NXPE3: variants seen among roughly 807,000 people sequenced by gnomAD.
NXPE3 encodes NXPE family member 3.
NXPE3 carries 26 observed loss-of-function variants against 46.1 expected under a neutral mutation model. That is an observed-to-expected ratio of 0.56 (90% CI 0.41 to 0.78). The LOEUF (loss-of-function observed/expected upper bound fraction) is 0.78, where lower values mean the gene tolerates loss of function less well. Ranked by LOEUF, NXPE3 falls within the 30% of genes least tolerant of loss-of-function variation. The pLI is 0.00. For missense variants in NXPE3, 620 were observed against 686.0 expected (o/e 0.90, Z 1.07); for synonymous variants, 272 against 257.9 (o/e 1.05, Z -0.52).
chr3:101,821,923 T>G lies in NXPE3; in HGVS notation c.1649T>G (p.Phe550Cys). The part of the protein sequence containing the change: ...EVIVKNQLDM[F>C]LSFVCPLET ...ATTGTGAAGAACCAGCTGGACATGTTCTTGTCCTTTGTGTGCCCCTTGGAA... is the reference window on the plus strand; with the variant it reads ...ATTGTGAAGAACCAGCTGGACATGTGCTTGTCCTTTGTGTGCCCCTTGGAA... The change falls in exon 8 of 8, where the codon TTC becomes TGC. Residue 550 changes from phenylalanine to cysteine, a missense_variant. Physicochemically the swap from Phe to Cys is radical, Grantham distance 205. Around this residue, in one of 3 missense-constraint regions of NXPE3, gnomAD observed 34 missense variants for 36.2 expected, o/e 0.94. Transcript: ENST00000273347. 1.2e-6 allele frequency: 2 copies of G among 1,613,954 alleles called. No homozygotes were observed. The highest frequency in any genetic ancestry group is 1.7e-6 in the Non-Finnish European group (2 of 1,179,810).
At chr3:101,803,183 T>C (rs1941247209) in intron 5 of NXPE3, among the ~76,000 whole-genome samples, 1 of 152,204 alleles carries the variant, frequency 6.6e-6, no homozygotes, top group African/African-American at 2.4e-5. Flanking sequence ...CTGGGCACCC[T>C]AAAAATTTCA....
At chr3:101,792,535 C>G (rs1940582220) in intron 4 of NXPE3, among the ~76,000 whole-genome samples, 1 of 152,094 alleles carries the variant, frequency 6.6e-6, no homozygotes, top group Admixed American at 6.6e-5. Flanking sequence ...TTCCTCATTG[C>G]TTGTTTTTGT....
intron 4 of NXPE3, among the ~76,000 whole-genome samples, chr3:101,796,171 C>G (rs1199266964): frequency 6.6e-6 from 1 of 152,166 alleles, no homozygotes; most frequent in Non-Finnish European, 1.5e-5. Flanking sequence ...ATCAGTTAGG[C>G]CCACCCCTGG....
At chr3:101,787,798 A>G (rs1163768064) in intron 4 of NXPE3, among the ~76,000 whole-genome samples, 4 of 152,258 alleles carry the variant, frequency 2.6e-5, no homozygotes, top group East Asian at 1.9e-4. Context: ...ATGTACATAC[A>G]TACCACATTT....
chr3:101,790,313 AAGG>A (rs1292126022), intron 4 of NXPE3, among the ~76,000 whole-genome samples: 3 of 152,176 alleles, frequency 2.0e-5, no homozygotes, highest in Admixed American at 2.0e-4. Flanking sequence ...CAGTTATTGA[AAGG>A]AGAATATTGA....
rs544514834 is a variant in NXPE3 at position 101,802,355 on chromosome 3, T to C, written c.848+366T>C. On this transcript the variant is annotated intron_variant, in intron 5 of 7. Transcript: ENST00000273347. ...TCTAAGGGTCAGATGTGGTGACTCATGCTTGTAATCCCAGCACTTTGGGAG... is the reference window on the plus strand; with the variant it reads ...TCTAAGGGTCAGATGTGGTGACTCACGCTTGTAATCCCAGCACTTTGGGAG... Among the ~76,000 whole-genome samples, 4 of 152,210 alleles carry C rather than the reference T, an allele frequency of 2.6e-5. No homozygotes were observed. The East Asian group carries it at 7.7e-4, about 29-fold the overall frequency.
At chr3:101,783,050 A>G (rs1939922456) in intron 3 of NXPE3, among the ~76,000 whole-genome samples, 2 of 151,886 alleles carry the variant, frequency 1.3e-5, no homozygotes, top group South Asian at 4.1e-4. Flanking sequence ...AACTATTAAA[A>G]TTTTAATATA....
rs540533149 is a variant in NXPE3 at position 101,824,884 on chromosome 3, G to A, written c.*2930G>A. 6.6e-6 allele frequency: 1 copy of A among 152,188 alleles called. No homozygotes were observed. The highest frequency in any genetic ancestry group is 2.4e-5 in the African/African-American group (1 of 41,442). The allele number at this position is 152,188 out of a possible 1,614,324, so 9.4% of individuals were successfully genotyped here. A position where few individuals can be genotyped will look rare whatever the true frequency, so the allele number is the denominator to read the frequency against. ...GTTTGGAATGATGCCACTTGATTGT[G>A]CAAATGATTTCTTATGATCTTGTCT... On this transcript the variant is annotated 3_prime_UTR_variant, in exon 8 of 8. Transcript: ENST00000273347.
chr3:101,821,455 C>T lies in NXPE3; in HGVS notation c.1181C>T (p.Ala394Val). The change falls in exon 8 of 8, where the codon GCA becomes GTA. Residue 394 changes from alanine to valine, a missense_variant. By Grantham distance (64) the Ala-to-Val change is moderately conservative (BLOSUM62 0). Transcript: ENST00000273347. Reference sequence around the variant, plus strand: ...CCCAAGAATGTGGGTCCCTTCCTTGCAGTGGACCAGAAGCACAACATCCTG... The same window carrying T: ...CCCAAGAATGTGGGTCCCTTCCTTGTAGTGGACCAGAAGCACAACATCCTG... The part of the protein sequence containing the change: ...GSPKNVGPFL[A>V]VDQKHNILLK... 6.2e-7 allele frequency: 1 copy of T among 1,614,146 alleles called. No homozygotes were observed. The highest frequency in any genetic ancestry group is 2.2e-5 in the East Asian group (1 of 44,884).
At chr3:101,790,665 T>G (rs1437045821) in intron 4 of NXPE3, among the ~76,000 whole-genome samples, 10 of 152,192 alleles carry the variant, frequency 6.6e-5, no homozygotes, top group Admixed American at 6.5e-4. Context: ...TGACCATGGC[T>G]CACCACAACC....
rs1056643024 is a variant in NXPE3 at position 101,824,428 on chromosome 3, G to T, written c.*2474G>T. ...TTTCAGCTAAACTTGTGAGACTTTC[G>T]TAAAGAAGCGTTTGTATTTATTTAT... On this transcript the variant is annotated 3_prime_UTR_variant, in exon 8 of 8. Transcript: ENST00000273347. 6.6e-6 allele frequency: 1 copy of T among 151,984 alleles called. No homozygotes were observed. The highest frequency in any genetic ancestry group is 2.4e-5 in the African/African-American group (1 of 41,292). The allele number at this position is 151,984 out of a possible 1,614,324, so 9.4% of individuals were successfully genotyped here.
chr3:101,793,129 T>C (rs139594195), intron 4 of NXPE3, among the ~76,000 whole-genome samples: 1 of 152,246 alleles, frequency 6.6e-6, no homozygotes, highest in Non-Finnish European at 1.5e-5. Flanking sequence ...TCTGAAACTT[T>C]GCTGAAGTTG....
rs1399913143 is a variant in NXPE3, at chr3:101,821,193, A to T, written c.1130-211A>T. Among the ~76,000 whole-genome samples, 3 of 152,190 alleles carry T rather than the reference A, an allele frequency of 2.0e-5. No homozygotes were observed. In the East Asian group the frequency reaches 5.8e-4, roughly 29 times the overall value. On this transcript the variant is annotated intron_variant, in intron 7 of 7. Transcript: ENST00000273347. ...TTTATAATGAATGTTATGTTTATGT[A>T]ATAATTTAAATAATAAACATGTTAG... is the stretch of plus-strand genomic sequence containing the variant.
chr3:101,815,116 A>G (rs1277281433), intron 6 of NXPE3, among the ~76,000 whole-genome samples: 1 of 152,214 alleles, frequency 6.6e-6, no homozygotes, highest in African/African-American at 2.4e-5. Context: ...CATTTTCTAC[A>G]GGAGGTGTTA....
intron 7 of NXPE3, among the ~76,000 whole-genome samples, chr3:101,819,466 G>A (rs766453825): frequency 5.3e-5 from 8 of 152,160 alleles, no homozygotes; most frequent in Non-Finnish European, 1.2e-4. Flanking sequence ...GATAGAGATG[G>A]AAGTTTTTCT....
intron 4 of NXPE3, among the ~76,000 whole-genome samples, chr3:101,792,250 A>G (rs1940561860): frequency 6.6e-6 from 1 of 152,170 alleles, no homozygotes; most frequent in Non-Finnish European, 1.5e-5. Flanking sequence ...TTGCTGTGCC[A>G]GAGCTCTTAA....
intron 4 of NXPE3, among the ~76,000 whole-genome samples, chr3:101,794,485 G>A (rs752122059): frequency 1.4e-4 from 22 of 152,160 alleles, no homozygotes; most frequent in Admixed American, 6.5e-5. Flanking sequence ...AGCCCAGGAG[G>A]TTTGTGTGGG....
At chr3:101,791,509 C>A (rs1940516914) in intron 4 of NXPE3, among the ~76,000 whole-genome samples, 1 of 152,164 alleles carries the variant, frequency 6.6e-6, no homozygotes, top group African/African-American at 2.4e-5. Flanking sequence ...CCTCAGCCTC[C>A]CAAGTAACTG....
chr3:101,801,368 TGGA>T lies in NXPE3; in HGVS notation c.234_236del (p.Glu78del), dbSNP rs1941136251. On this transcript the variant is annotated inframe_deletion, in exon 5 of 8. Coordinates refer to ENST00000273347, the MANE Select transcript of NXPE3 (RefSeq NM_145037.4). ...CAGACCCTGTCCAGCCAGGAGCGCA[TGGA>T]GGAGGACTCCTTGCTGGCTGCCTTG... 1.9e-6 allele frequency: 3 copies of T among 1,614,226 alleles called. No homozygotes were observed. The highest frequency in any genetic ancestry group is 2.2e-5 in the South Asian group (2 of 91,088).
Sources: allele counts gnomAD v4.1 joint callset (sites outside exome capture counted in the v4.1 genomes callset), GRCh38; gene constraint gnomAD v4.1.1; regional missense constraint gnomAD v4.1.1; transcripts MANE v1.5; gene names NCBI Gene and HGNC (gene_info 2026-07-23, HGNC 2026-07-21).